Variants in SREK1IP1 observed in about 807,000 individuals in gnomAD.
SREK1IP1 encodes the protein protein SREK1IP1.
A neutral mutation model predicts 22.8 loss-of-function variants in SREK1IP1; 12 were observed. That is an observed-to-expected ratio of 0.53 (90% CI 0.34 to 0.85). The LOEUF is 0.85. Among genes scored for constraint, SREK1IP1 ranks in the 40% least tolerant of loss-of-function variants. The probability of loss-of-function intolerance (pLI) is 0.02; values close to 1 mark genes in which losing one functional copy is unlikely to be tolerated. For missense variants in SREK1IP1, 147 were observed against 171.8 expected (o/e 0.86, Z 0.81); for synonymous variants, 53 against 52.7 (o/e 1.01, Z -0.02).
chr5:64,726,429 A>T (rs560014641), intron 4 of SREK1IP1, among the ~76,000 whole-genome samples: 2 of 152,048 alleles, frequency 1.3e-5, no homozygotes, highest in Non-Finnish European at 2.9e-5. Flanking sequence ...CAAAAAAATT[A>T]GTCGGGCATG....
rs1742095417 is a variant in SREK1IP1, at chr5:64,718,549, A to G, written c.*5835T>C. On this transcript the variant is annotated 3_prime_UTR_variant, in exon 5 of 5. Transcript: ENST00000513458. ...AAAAATCACAATGTATAATCTGTAC[A>G]ATAAATATTTTGTTTCAAGAGATAA... 1 of 152,212 alleles carries G rather than the reference A, an allele frequency of 6.6e-6. No individual in the cohort carries two copies. Among genetic ancestry groups the G allele is most frequent in the Non-Finnish European group, 1.5e-5 (1 of 68,016 alleles). The allele number at this position is 152,212 out of a possible 1,614,324, so 9.4% of individuals were successfully genotyped here.
At chr5:64,758,903 C>T (rs1388114553) in intron 1 of SREK1IP1, among the ~76,000 whole-genome samples, 2 of 152,160 alleles carry the variant, frequency 1.3e-5, no homozygotes, top group African/African-American at 2.4e-5. Context: ...AGTTCCTCAC[C>T]AGTCTTTGGT....
intron 2 of SREK1IP1, among the ~76,000 whole-genome samples, chr5:64,752,450 C>A (rs1172851870): frequency 6.6e-6 from 1 of 152,064 alleles, no homozygotes; most frequent in Non-Finnish European, 1.5e-5. Flanking sequence ...CATGCCTGGC[C>A]TGTGAATTTC....
chr5:64,760,906 T>C (rs988961129), intron 1 of SREK1IP1, among the ~76,000 whole-genome samples: 2 of 152,218 alleles, frequency 1.3e-5, no homozygotes, highest in African/African-American at 4.8e-5. Flanking sequence ...TGTCACTATA[T>C]ACCTTTTGGC....
intron 1 of SREK1IP1, among the ~76,000 whole-genome samples, chr5:64,762,989 T>C (rs967153988): frequency 2.0e-5 from 3 of 151,222 alleles, no homozygotes; most frequent in Non-Finnish European, 3.0e-5. Context: ...GAGGCGGAGG[T>C]TGCAGTGAGC....
chr5:64,759,575 G>T (rs143716853), intron 1 of SREK1IP1, among the ~76,000 whole-genome samples: 1 of 152,068 alleles, frequency 6.6e-6, no homozygotes, highest in South Asian at 2.1e-4. Context: ...CAAAAGACAC[G>T]TGGAAACTTG....
chr5:64,765,501 A>G (rs1405899868), intron 1 of SREK1IP1, among the ~76,000 whole-genome samples: 1 of 152,054 alleles, frequency 6.6e-6, no homozygotes, highest in Non-Finnish European at 1.5e-5. Context: ...GATTAGCCCT[A>G]TTTTCCTTTA....
At chr5:64,742,578 G>A (rs1378375279) in intron 2 of SREK1IP1, among the ~76,000 whole-genome samples, 1 of 152,068 alleles carries the variant, frequency 6.6e-6, no homozygotes, top group Non-Finnish European at 1.5e-5. Context: ...CTCTTATTTT[G>A]TGGGTGAAGT....
chr5:64,721,600 G>A lies in SREK1IP1; in HGVS notation c.*2784C>T, dbSNP rs1331295604. The A allele has an allele frequency of 6.6e-6, 1 of 151,346 alleles. No homozygotes were observed. The highest frequency in any genetic ancestry group is 1.5e-5 in the Non-Finnish European group (1 of 67,900). The allele number at this position is 151,346 out of a possible 1,614,324, so 9.4% of individuals were successfully genotyped here. A position where few individuals can be genotyped will look rare whatever the true frequency, so the allele number is the denominator to read the frequency against. On this transcript the variant is annotated 3_prime_UTR_variant, in exon 5 of 5. Coordinates refer to ENST00000513458, the MANE Select transcript of SREK1IP1 (RefSeq NM_173829.4). ...CAAAAAAAAAAAAGGGGGAAATTGTGTGGTGAGAAGGTCCATCAACCCAAA... is the reference window on the plus strand; with the variant it reads ...CAAAAAAAAAAAAGGGGGAAATTGTATGGTGAGAAGGTCCATCAACCCAAA...
chr5:64,759,085 G>A (rs1193186588), intron 1 of SREK1IP1, among the ~76,000 whole-genome samples: 1 of 152,188 alleles, frequency 6.6e-6, no homozygotes, highest in African/African-American at 2.4e-5. Flanking sequence ...AGTTTCCAGG[G>A]GCACTGATGT....
chr5:64,726,629 T>TA (rs1248381141), intron 4 of SREK1IP1, among the ~76,000 whole-genome samples: 1 of 151,778 alleles, frequency 6.6e-6, no homozygotes, highest in East Asian at 1.9e-4. Context: ...ATGATGGAGT[T>TA]ACGCCTTGAT....
chr5:64,739,582 T>G (rs186305632), intron 3 of SREK1IP1, among the ~76,000 whole-genome samples: 2 of 152,290 alleles, frequency 1.3e-5, no homozygotes, highest in East Asian at 3.9e-4. Flanking sequence ...TTCAAGAGTG[T>G]AATCAGTTAT....
At chr5:64,763,678 T>C (rs746185873) in intron 1 of SREK1IP1, among the ~76,000 whole-genome samples, 1 of 152,230 alleles carries the variant, frequency 6.6e-6, no homozygotes, top group African/African-American at 2.4e-5. Context: ...TCAGCAGCAG[T>C]TATAGTAATC....
At chr5:64,741,405 C>T (rs1742549889) in intron 2 of SREK1IP1, among the ~76,000 whole-genome samples, 1 of 152,026 alleles carries the variant, frequency 6.6e-6, no homozygotes. Flanking sequence ...GAACTTTTTC[C>T]TTTCTTCCTC....
chr5:64,738,717 CA>C lies in SREK1IP1; in HGVS notation c.205+2339del, dbSNP rs1742506209. On this transcript the variant is annotated intron_variant, in intron 3 of 4. Transcript: ENST00000513458. ...AACTGACCATGAGGGGTGTTAAGAA[CA>C]CACAATGGGAAAAGGATGTCTTCAG... Among the ~76,000 whole-genome samples the C allele has an allele frequency of 2.6e-5, 4 of 152,188 alleles. No individual in the cohort carries two copies. In the South Asian group the frequency reaches 6.2e-4, roughly 24 times the overall value.
intron 3 of SREK1IP1, 56 bp downstream of exon 3, chr5:64,741,001 T>A (rs1055648012): frequency 2.0e-6 from 3 of 1,483,492 alleles, no homozygotes; most frequent in African/African-American, 2.8e-5. Context: ...AAGCATGATA[T>A]AATATGACAG....
chr5:64,737,669 A>G (rs1472557334), intron 3 of SREK1IP1, among the ~76,000 whole-genome samples: 3 of 151,916 alleles, frequency 2.0e-5, no homozygotes, highest in African/African-American at 7.2e-5. Flanking sequence ...GATAAAACTG[A>G]CATATCTTTA....
intron 1 of SREK1IP1, among the ~76,000 whole-genome samples, chr5:64,755,488 A>G (rs1326486687): frequency 6.6e-6 from 1 of 152,168 alleles, no homozygotes; most frequent in Non-Finnish European, 1.5e-5. Flanking sequence ...GTTCTCATTT[A>G]TAAGTGGGAG....
intron 3 of SREK1IP1, among the ~76,000 whole-genome samples, chr5:64,739,209 T>C (rs907775101): frequency 2.0e-5 from 3 of 152,182 alleles, no homozygotes; most frequent in Admixed American, 2.0e-4. Flanking sequence ...TTGAGTGAAG[T>C]ATTTCCTAGA....
Sources: gnomAD v4.1 joint callset for allele counts (sites outside exome capture counted in the v4.1 genomes callset) on GRCh38, gnomAD v4.1.1 for gene constraint, MANE v1.5 for transcripts, NCBI Gene and HGNC (gene_info 2026-07-23, HGNC 2026-07-21) for gene names.